Variants in ANO8 observed in about 807,000 individuals in gnomAD.
ANO8 encodes anoctamin 8.
In ANO8, 67 loss-of-function variants were observed where a neutral mutation model predicts 120.4. The observed-to-expected ratio is 0.56, with a 90% CI of 0.46 to 0.68. The LOEUF (loss-of-function observed/expected upper bound fraction) is 0.68. Among genes scored for constraint, ANO8 ranks in the 30% least tolerant of loss-of-function variants. The pLI, the probability that ANO8 is intolerant of heterozygous loss-of-function variation, is 0.00. For missense variants in ANO8, 1,526 were observed against 1,737.6 expected, an observed-to-expected ratio of 0.88 and a Z score of 2.16; for synonymous variants, 727 against 759.2, an observed-to-expected ratio of 0.96 and a Z score of 0.70.
chr19:17,334,522 C>T, intron 1 of ANO8, 43 bp downstream of exon 1: 1 of 1,468,712 alleles, frequency 6.8e-7, no homozygotes, highest in Non-Finnish European at 9.1e-7. Context: ...GCGGGCTCCC[C>T]AGGCACCTGC....
At chr19:17,327,644 G>A (rs771888009) in intron 14 of ANO8, 45 bp downstream of exon 14, 2 of 1,607,790 alleles carry the variant, frequency 1.2e-6, no homozygotes, top group South Asian at 1.1e-5. Context: ...AGCTGCACCT[G>A]GGCTCCCTCT....
intron 9 of ANO8, 39 bp downstream of exon 9, chr19:17,330,313 G>C: frequency 6.2e-7 from 1 of 1,612,412 alleles, no homozygotes; most frequent in Non-Finnish European, 8.5e-7. Flanking sequence ...GGTGGAGCTA[G>C]GTACCAAGGA....
rs773256997 is a variant in ANO8 at position 17,328,215 on chromosome 19, G to A, written c.2173C>T (p.His725Tyr). The A allele has an allele frequency of 6.2e-7, 1 of 1,605,226 alleles. No individual in the cohort carries two copies. Among genetic ancestry groups the A allele is most frequent in the Non-Finnish European group, 8.5e-7 (1 of 1,173,620 alleles). The change falls in exon 13 of 18, where the codon CAC becomes TAC. Residue 725 changes from histidine to tyrosine, a missense_variant. His to Tyr is a moderately conservative substitution (Grantham distance 83). Coordinates refer to ENST00000159087, the MANE Select transcript of ANO8 (RefSeq NM_020959.3). ...TCTGCCTGGGTGAGCTGGGGCGAGT[G>A]TTCCTCCTCCGGCGGGTCAATCCAA... ...SSWIDPPEEE[H>Y]SPQLTQAELE...
Position 17,328,395 on chromosome 19 carries a change from C to G in ANO8, c.1993G>C (p.Gly665Arg). 3 of 1,571,332 alleles carry G rather than the reference C, an allele frequency of 1.9e-6. No individual in the cohort carries two copies. Among genetic ancestry groups the G allele is most frequent in the Non-Finnish European group, 1.7e-6 (2 of 1,163,698 alleles). The change falls in exon 13 of 18, where the codon GGG (glycine) becomes CGG (arginine). Residue 665 changes from glycine (G) to arginine (R), a missense_variant. Coordinates refer to ENST00000159087, the MANE Select transcript of ANO8 (RefSeq NM_020959.3). ...TLAEEDDEAE[G>R]APGSPEREPP... ...TCCCGTTCAGGGCTGCCGGGAGCCCCCTCCGCCTCGTCGTCCTCCTCGGCC... is the reference window on the plus strand; with the variant it reads ...TCCCGTTCAGGGCTGCCGGGAGCCCGCTCCGCCTCGTCGTCCTCCTCGGCC...
Position 17,327,737 on chromosome 19 carries a change from C to T in ANO8, c.2370G>A (p.Gly790=), listed in dbSNP as rs2145685683. ...IRSDAFKLCT[G]LQRPFGQRVE... ...CGCGCTGGCCGAAGGGCCGCTGCAGCCCGGTGCACAGCTTGAAGGCGTCGC... is the reference window on the plus strand; with the variant it reads ...CGCGCTGGCCGAAGGGCCGCTGCAGTCCGGTGCACAGCTTGAAGGCGTCGC... The change falls in exon 14 of 18, where the codon GGG becomes GGA. Residue 790 remains glycine (G), a synonymous_variant. Transcript: ENST00000159087. The T allele has an allele frequency of 6.2e-7, 1 of 1,614,030 alleles. No individual in the cohort carries two copies.
intron 8 of ANO8, 30 bp downstream of exon 8, chr19:17,330,798 C>G (rs746510738): frequency 3.7e-5 from 60 of 1,603,594 alleles, no homozygotes; most frequent in Non-Finnish European, 4.3e-5. Context: ...TGTCCTGTCT[C>G]CATGACCCTG....
chr19:17,323,844 G>A lies in ANO8; in HGVS notation c.3372C>T (p.Thr1124=). 2 of 1,127,676 alleles carry A rather than the reference G, an allele frequency of 1.8e-6. No individual in the cohort carries two copies. The highest frequency in any genetic ancestry group is 4.3e-5 in the South Asian group (1 of 23,424). The allele number at this position is 1,127,676 out of a possible 1,614,324, so 69.9% of individuals were successfully genotyped here. A position where few individuals can be genotyped will look rare whatever the true frequency, so the allele number is the denominator to read the frequency against. ...LAPVGAPALR[T]RRSRSPAPPP... The stretch of plus-strand genomic sequence containing the variant: ...GCGGCGCGGGGCTCCGGCTGCGGCG[G>A]GTGCGGAGGGCAGGGGCGCCCACGG... Residue 1124 remains threonine, a synonymous_variant, in exon 18 of 18, where the codon ACC becomes ACT. Coordinates refer to ENST00000159087, the MANE Select transcript of ANO8 (RefSeq NM_020959.3).
At position 17,333,621 on chromosome 19, in the gene ANO8, G is replaced by A. The variant is rs1421219911; in HGVS notation, c.218-67C>T. On this transcript the variant is annotated intron_variant, in intron 2 of 17. Coordinates refer to ENST00000159087, the MANE Select transcript of ANO8 (RefSeq NM_020959.3). This position sits in a 1 kb window ranked among gnomAD's most constrained non-coding sequence, Gnocchi z 7.2. ...GGCCCAAGGCCTCCTACGTATTCCC[G>A]TTCTGGGAAGCCGAGCTCAGGAGAG... 5.7e-6 allele frequency: 9 copies of A among 1,575,676 alleles called. No homozygotes were observed. Among genetic ancestry groups the A allele is most frequent in the Admixed American group, 1.8e-5 (1 of 55,172 alleles).
chr19:17,325,676 C>T (rs939462737), intron 16 of ANO8, among the ~76,000 whole-genome samples: 1 of 152,326 alleles, frequency 6.6e-6, no homozygotes, highest in South Asian at 2.1e-4. Context: ...GCCTGTAATC[C>T]CAGCACTTTG....
At position 17,325,023 on chromosome 19, in the gene ANO8, G is replaced by C; in HGVS notation, c.3025C>G (p.Pro1009Ala). Residue 1009 changes from proline to alanine, a missense_variant, in exon 17 of 18, where the codon CCC (proline) becomes GCC (alanine). Pro to Ala is a conservative substitution (Grantham distance 27). Around this residue, in one of 8 missense-constraint regions of ANO8, gnomAD observed 489 missense variants for 548.6 expected, o/e 0.89. Coordinates refer to ENST00000159087, the MANE Select transcript of ANO8 (RefSeq NM_020959.3). ...AAGAGATTRP[P>A]PAQSPTGSDT... ...CTGCCTGTGGGTGACTGGGCAGGGG[G>C]AGGCCGGGTGGTGGCTCCGGCCCCT... 2.5e-6 allele frequency: 4 copies of C among 1,613,032 alleles called. No individual in the cohort carries two copies. The highest frequency in any genetic ancestry group is 3.4e-6 in the Non-Finnish European group (4 of 1,179,882).
intron 17 of ANO8, among the ~76,000 whole-genome samples, chr19:17,324,357 G>A (rs2074258653): frequency 6.6e-6 from 1 of 152,050 alleles, no homozygotes; most frequent in Admixed American, 6.6e-5. Flanking sequence ...AGGCCTGGGG[G>A]GTCAAGTCCC....
rs76655932 is a variant in ANO8 at position 17,328,511 on chromosome 19, C to T, written c.1877G>A (p.Arg626Gln). The change falls in exon 13 of 18, where the codon CGG becomes CAG. Residue 626 changes from arginine to glutamine, a missense_variant. Coordinates refer to ENST00000159087, the MANE Select transcript of ANO8 (RefSeq NM_020959.3). ...KVSFAERGAGRRRPGPSPEAL... is the reference protein window; with the variant it reads ...KVSFAERGAGQRRPGPSPEAL... Reference sequence around the variant, plus strand: ...CTCCGGGCTTGGGCCGGGCCGACGCCGCCCCGCGCCGCGCTCAGCGAAGCT... The same window carrying T: ...CTCCGGGCTTGGGCCGGGCCGACGCTGCCCCGCGCCGCGCTCAGCGAAGCT... 152,951 of 1,552,170 alleles carry T rather than the reference C, an allele frequency of 0.099. 8,172 individuals carry two copies. The highest frequency in any genetic ancestry group is 0.11 in the Non-Finnish European group (127,770 of 1,150,482).
chr19:17,332,971 T>G lies in ANO8; in HGVS notation c.545A>C (p.Glu182Ala), dbSNP rs1465948358. 6.2e-7 allele frequency: 1 copy of G among 1,614,154 alleles called. No homozygotes were observed. The highest frequency in any genetic ancestry group is 1.3e-5 in the African/African-American group (1 of 75,060). Residue 182 changes from glutamate to alanine, a missense_variant, in exon 5 of 18, where the codon GAA (glutamate) becomes GCA (alanine). Physicochemically the swap from Glu to Ala is moderately radical, Grantham distance 107. Coordinates refer to ENST00000159087, the MANE Select transcript of ANO8 (RefSeq NM_020959.3). Reference protein sequence around the residue: ...WLQNLRAKQGEALHNVRFLED... With the variant: ...WLQNLRAKQGAALHNVRFLED... Reference sequence around the variant, plus strand: ...CAGGAAGCGCACGTTGTGGAGTGCTTCTCCCTGCTTGGCACGCAAATTCTG... The same window carrying G: ...CAGGAAGCGCACGTTGTGGAGTGCTGCTCCCTGCTTGGCACGCAAATTCTG...
chr19:17,328,286 G>C lies in ANO8; in HGVS notation c.2102C>G (p.Ser701Cys), dbSNP rs766075066. Residue 701 changes from serine to cysteine, a missense_variant, in exon 13 of 18, where the codon TCC (serine) becomes TGC (cysteine). Physicochemically the swap from Ser to Cys is moderately radical, Grantham distance 112 (BLOSUM62 -1). Coordinates refer to ENST00000159087, the MANE Select transcript of ANO8 (RefSeq NM_020959.3). Reference sequence around the variant, plus strand: ...CTGCCTACGGGTCGAATCGCTGTTGGAGCCGGGTTCCGGGTCCGGGCCCCC... The same window carrying C: ...CTGCCTACGGGTCGAATCGCTGTTGCAGCCGGGTTCCGGGTCCGGGCCCCC... ...PDGGPDPEPG[S>C]NSDSTRRQRR... The C allele has an allele frequency of 6.2e-7, 1 of 1,607,470 alleles. No individual in the cohort carries two copies. Among genetic ancestry groups the C allele is most frequent in the South Asian group, 1.1e-5 (1 of 90,680 alleles).
Position 17,328,741 on chromosome 19 carries a change from GC to G in ANO8, c.1646del (p.Gly549AlafsTer66). ...CCTCCTCCTCCTCCGGCGCCCCGCA[GC>G]CCCCGCTGAGGCACCTGCGGCCCCC... ...GGGGRRCLSGGCGAPEEEEEA... is the reference protein window; with the variant it reads ...GGGGRRCLSGXCGAPEEEEEA... On this transcript the variant is annotated frameshift_variant, in exon 13 of 18. Transcript: ENST00000159087. LOFTEE classifies it high-confidence loss of function. The G allele has an allele frequency of 7.4e-7, 1 of 1,350,012 alleles. No individual in the cohort carries two copies. Among genetic ancestry groups the G allele is most frequent in the Non-Finnish European group, 9.5e-7 (1 of 1,054,336 alleles). 83.6% of individuals were successfully genotyped at this position (1,350,012 alleles called of 1,614,324 possible).
Position 17,330,481 on chromosome 19 carries a change from G to C in ANO8, c.1017C>G (p.Ile339Met). 6.5e-7 allele frequency: 1 copy of C among 1,545,188 alleles called. No individual in the cohort carries two copies. Among genetic ancestry groups the C allele is most frequent in the Non-Finnish European group, 8.7e-7 (1 of 1,144,156 alleles). ...GGTAGTAGAACTCCTCGGCCCGCGT[G>C]ATGGGGCTGATACGTCGCACGCCCT... ...QFRGVRRISP[I>M]TRAEEFYYPP... is the part of the protein sequence containing the mutation. The change falls in exon 9 of 18, where the codon ATC becomes ATG. Residue 339 changes from isoleucine to methionine, a missense_variant. Around this residue, in one of 8 missense-constraint regions of ANO8, gnomAD observed 322 missense variants for 431.8 expected, o/e 0.75. Coordinates refer to ENST00000159087, the MANE Select transcript of ANO8 (RefSeq NM_020959.3).
intron 12 of ANO8, 132 bp downstream of exon 12, chr19:17,329,624 AC>A (rs2074302042): frequency 1.5e-6 from 1 of 676,730 alleles, no homozygotes; most frequent in Non-Finnish European, 2.5e-6. Flanking sequence ...CGGACAACGG[AC>A]GGACAGACAG....
At chr19:17,323,926 CG>C in intron 17 of ANO8, 42 bp from the exon 18 acceptor site, 1 of 1,103,968 alleles carries the variant, frequency 9.1e-7, no homozygotes, top group East Asian at 5.2e-5. Context: ...ATGCCGCCCC[CG>C]CCGGACCCCG....
chr19:17,325,031 G>A lies in ANO8; in HGVS notation c.3017C>T (p.Thr1006Ile), dbSNP rs745520608. The change falls in exon 17 of 18, where the codon ACC (threonine) becomes ATC (isoleucine). Residue 1006 changes from threonine (T) to isoleucine (I), a missense_variant. By Grantham distance (89) the Thr-to-Ile change is moderately conservative. Around this residue, in one of 8 missense-constraint regions of ANO8, gnomAD observed 489 missense variants for 548.6 expected, o/e 0.89. Transcript: ENST00000159087. The part of the protein sequence containing the change: ...SLAAAGAGAT[T>I]RPPPAQSPTG... ...GGGTGACTGGGCAGGGGGAGGCCGG[G>A]TGGTGGCTCCGGCCCCTGCAGCAGC... 106 of 1,613,046 alleles carry A rather than the reference G, an allele frequency of 6.6e-5. 1 individual carries two copies. The South Asian group carries it at 1.2e-3, about 18-fold the overall frequency.
Sources: gnomAD v4.1 joint callset for allele counts (sites outside exome capture counted in the v4.1 genomes callset) on GRCh38, gnomAD v4.1.1 for gene constraint, gnomAD v4.1.1 regional missense constraint, Gnocchi (gnomAD v3.1) non-coding constraint, MANE v1.5 for transcripts, NCBI Gene and HGNC (gene_info 2026-07-23, HGNC 2026-07-21) for gene names.